Variants in SBF2 observed in about 807,000 individuals in gnomAD.
SBF2 encodes myotubularin-related protein 13.
In SBF2, 112 loss-of-function variants were observed where a neutral mutation model predicts 225.2. The ratio of observed to expected loss-of-function variants is 0.50; its 90% CI spans 0.43 to 0.58. SBF2 has a LOEUF of 0.58. Ranked by LOEUF, SBF2 falls within the 20% of genes least tolerant of loss-of-function variation. The pLI is 0.00. For missense variants in SBF2, 1,996 were observed against 2,206.2 expected (o/e 0.90, Z 1.91); for synonymous variants, 763 against 773.3 (o/e 0.99, Z 0.22).
intron 13 of SBF2, among the ~76,000 whole-genome samples, chr11:9,972,442 A>G (rs1490435908): frequency 6.6e-6 from 1 of 152,112 alleles, no homozygotes; most frequent in Non-Finnish European, 1.5e-5. Flanking sequence ...AACTACTTAC[A>G]TTTTAGTAAT....
intron 6 of SBF2, among the ~76,000 whole-genome samples, chr11:10,020,580 C>T (rs1948814457): frequency 1.3e-5 from 2 of 152,190 alleles, no homozygotes; most frequent in African/African-American, 4.8e-5. Flanking sequence ...ACTTTCACTC[C>T]TGCTCTAAAA....
At chr11:9,952,329 C>T (rs538977611) in intron 16 of SBF2, among the ~76,000 whole-genome samples, 48 of 152,232 alleles carry the variant, frequency 3.2e-4, no homozygotes, top group Non-Finnish European at 4.4e-4. Context: ...CTGTTTACAC[C>T]GAATTAAGAA....
At chr11:9,808,233 G>T (rs1853963880) in intron 31 of SBF2, 48 bp from the exon 32 acceptor site, 2 of 1,516,104 alleles carry the variant, frequency 1.3e-6, no homozygotes, top group Non-Finnish European at 1.8e-6. Context: ...TTCTGAAAAA[G>T]GCCTATTACT....
At chr11:10,171,656 T>C (rs985712899) in intron 2 of SBF2, among the ~76,000 whole-genome samples, 7 of 152,206 alleles carry the variant, frequency 4.6e-5, no homozygotes, top group African/African-American at 7.2e-5. Context: ...TCTCATAGAA[T>C]AAGGTTTGGA....
At chr11:9,986,412 A>G (rs112646532) in intron 13 of SBF2, among the ~76,000 whole-genome samples, 8,751 of 152,244 alleles carry the variant, frequency 0.057, 321 homozygotes, top group Middle Eastern at 0.18. Flanking sequence ...AACCCAGCAG[A>G]AGAAAGGAAA....
At chr11:10,251,697 G>A (rs566314418) in intron 1 of SBF2, among the ~76,000 whole-genome samples, 58 of 151,728 alleles carry the variant, frequency 3.8e-4, no homozygotes, top group African/African-American at 1.2e-3. Flanking sequence ...TCCCTGGTGC[G>A]CTGTATTCTC....
intron 1 of SBF2, among the ~76,000 whole-genome samples, chr11:10,229,477 T>C (rs546631708): frequency 1.3e-5 from 2 of 152,258 alleles, no homozygotes; most frequent in Non-Finnish European, 2.9e-5. Flanking sequence ...CTCTACACAC[T>C]GCTTTGAATG....
chr11:10,025,065 T>C (rs1017670948), intron 6 of SBF2, among the ~76,000 whole-genome samples: 11 of 152,340 alleles, frequency 7.2e-5, no homozygotes, highest in Non-Finnish European at 1.2e-4. Flanking sequence ...ATATTGTCTA[T>C]GGTTTCTTTT....
At chr11:10,279,442 G>C (rs980361323) in intron 1 of SBF2, among the ~76,000 whole-genome samples, 7 of 151,504 alleles carry the variant, frequency 4.6e-5, no homozygotes, top group Non-Finnish European at 1.0e-4. Context: ...TATTTCAAGA[G>C]GTTAGGTCTC....
At chr11:10,074,437 G>C (rs1426311467) in intron 2 of SBF2, among the ~76,000 whole-genome samples, 1 of 152,012 alleles carries the variant, frequency 6.6e-6, no homozygotes, top group Admixed American at 6.6e-5. Context: ...AAGATCAAAT[G>C]GAAAGACAAA....
rs1490343652 is a variant in SBF2 at position 9,784,441 on chromosome 11, A to T, written c.5232-3T>A. ...TATAAAGTGTTCCCTCAAAGGACCT[A>T]GAAGAAATGATGACAGGAGAGTTAA... On this transcript the variant is annotated splice_polypyrimidine_tract_variant and splice_region_variant and intron_variant, in intron 37 of 39. Transcript: ENST00000256190. 1 of 1,607,650 alleles carries T rather than the reference A, an allele frequency of 6.2e-7. No individual in the cohort carries two copies.
intron 3 of SBF2, among the ~76,000 whole-genome samples, chr11:10,040,876 T>C (rs946285186): frequency 7.9e-5 from 12 of 152,024 alleles, no homozygotes; most frequent in African/African-American, 2.9e-4. Context: ...AAAGGCTATA[T>C]ACATGTTTGC....
chr11:9,903,573 G>T (rs1025764073), intron 16 of SBF2, among the ~76,000 whole-genome samples: 4 of 152,186 alleles, frequency 2.6e-5, no homozygotes, highest in African/African-American at 9.7e-5. Context: ...TTCAGAGCAG[G>T]AGTGGAAGTT....
chr11:10,298,347 C>T (rs190968781), upstream of SBF2, among the ~76,000 whole-genome samples: 11 of 152,232 alleles, frequency 7.2e-5, no homozygotes, highest in East Asian at 3.9e-4. Context: ...GCCAAGATCG[C>T]GCCATTGCAC....
At chr11:10,140,449 T>C (rs904718583) in intron 2 of SBF2, among the ~76,000 whole-genome samples, 9 of 152,190 alleles carry the variant, frequency 5.9e-5, no homozygotes, top group Admixed American at 1.3e-4. Context: ...TTTCAAGAGA[T>C]TCTGGGTTGG....
At chr11:10,064,262 C>A (rs928048696) in intron 2 of SBF2, among the ~76,000 whole-genome samples, 3 of 152,018 alleles carry the variant, frequency 2.0e-5, no homozygotes, top group Admixed American at 6.6e-5. Context: ...GATACAGTAT[C>A]ACTTGAAAGT....
At chr11:9,785,040 G>C (rs1212847994) in intron 37 of SBF2, 85 bp downstream of exon 37, 6 of 1,143,558 alleles carry the variant, frequency 5.2e-6, no homozygotes, top group Non-Finnish European at 7.9e-6. Context: ...GTACTGCACA[G>C]GCCTAGCTTA....
intron 1 of SBF2, among the ~76,000 whole-genome samples, chr11:10,259,797 TTTTTA>T (rs1961253391): frequency 6.6e-6 from 1 of 152,090 alleles, no homozygotes; most frequent in Admixed American, 6.5e-5. Flanking sequence ...AAAAAATAAT[TTTTTA>T]TTTTGAGATT....
intron 2 of SBF2, among the ~76,000 whole-genome samples, chr11:10,070,785 T>C (rs1950834070): frequency 6.6e-6 from 1 of 152,244 alleles, no homozygotes; most frequent in African/African-American, 2.4e-5. Context: ...ATTCTTCCTA[T>C]CCATGAGCAT....
Sources: gnomAD v4.1 joint callset for allele counts (sites outside exome capture counted in the v4.1 genomes callset) on GRCh38, gnomAD v4.1.1 for gene constraint, MANE v1.5 for transcripts, NCBI Gene and HGNC (gene_info 2026-07-23, HGNC 2026-07-21) for gene names.